Variants in CAMKMT observed in about 807,000 individuals in gnomAD.
The protein encoded by CAMKMT is calmodulin-lysine N-methyltransferase.
In CAMKMT, 53 loss-of-function variants were observed where a neutral mutation model predicts 48.0. The observed-to-expected ratio is 1.10, with a 90% CI of 0.89 to 1.39. CAMKMT has a LOEUF of 1.39. CAMKMT is among the 40% of genes most tolerant of loss of function. The pLI, the probability that CAMKMT is intolerant of heterozygous loss-of-function variation, is 0.00. For missense variants in CAMKMT, 428 were observed against 402.7 expected (o/e 1.06, Z -0.54); for synonymous variants, 165 against 152.3 (o/e 1.08, Z -0.61).
At chr2:44,519,421 A>G (rs930800574) in intron 3 of CAMKMT, among the ~76,000 whole-genome samples, 1 of 152,202 alleles carries the variant, frequency 6.6e-6, no homozygotes. Context: ...GAACCTGTAT[A>G]ATTTTCATTA....
At chr2:44,463,765 A>T (rs1408000938) in intron 3 of CAMKMT, among the ~76,000 whole-genome samples, 1 of 152,244 alleles carries the variant, frequency 6.6e-6, no homozygotes, top group Non-Finnish European at 1.5e-5. Flanking sequence ...GGGAATTTAC[A>T]TGCAGAGAGT....
chr2:44,673,325 G>T (rs1029780916), intron 3 of CAMKMT, among the ~76,000 whole-genome samples: 1 of 151,702 alleles, frequency 6.6e-6, no homozygotes. Flanking sequence ...TACTTGGGAG[G>T]CTGAGGTGGG....
chr2:44,732,637 G>A (rs544909805), intron 7 of CAMKMT, among the ~76,000 whole-genome samples: 1 of 152,288 alleles, frequency 6.6e-6, no homozygotes, highest in South Asian at 2.1e-4. Flanking sequence ...GCCCAGCTTG[G>A]AGTTCTAATT....
chr2:44,708,956 T>G (rs1420976311), intron 6 of CAMKMT, among the ~76,000 whole-genome samples: 1 of 152,082 alleles, frequency 6.6e-6, no homozygotes, highest in African/African-American at 2.4e-5. Flanking sequence ...ATTAGAACTT[T>G]TATCAAACTA....
intron 3 of CAMKMT, among the ~76,000 whole-genome samples, chr2:44,634,630 A>T (rs761855069): frequency 1.8e-4 from 27 of 152,208 alleles, no homozygotes; most frequent in Non-Finnish European, 3.1e-4. Context: ...AACTCTTTCT[A>T]TCTTCAAGGA....
chr2:44,632,905 C>T (rs532589440), intron 3 of CAMKMT, among the ~76,000 whole-genome samples: 1 of 152,298 alleles, frequency 6.6e-6, no homozygotes, highest in East Asian at 1.9e-4. Flanking sequence ...GCTGGCTCTC[C>T]TTGCTCCTCA....
intron 3 of CAMKMT, among the ~76,000 whole-genome samples, chr2:44,466,215 G>A (rs941863569): frequency 6.6e-6 from 1 of 152,126 alleles, no homozygotes; most frequent in Admixed American, 6.5e-5. Context: ...CTCAACAACA[G>A]CATAACACAC....
At position 44,669,077 on chromosome 2, in the gene CAMKMT, C is replaced by G. The variant is rs72870506; in HGVS notation, c.377-35206C>G. ...GAATTACAGGCGTGAGCCACTGCAC[C>G]TGACCCCCACTTGTTTTTTGTTTGT... On this transcript the variant is annotated intron_variant, in intron 3 of 10. Transcript: ENST00000378494. Among the ~76,000 whole-genome samples, 730 of 152,302 alleles carry G rather than the reference C, an allele frequency of 4.8e-3. 8 individuals carry two copies. Among genetic ancestry groups the G allele is most frequent in the African/African-American group, 0.017 (708 of 41,564 alleles).
intron 3 of CAMKMT, among the ~76,000 whole-genome samples, chr2:44,484,520 C>G (rs1357126221): frequency 4.6e-5 from 7 of 151,396 alleles, no homozygotes; most frequent in Admixed American, 3.3e-4. Flanking sequence ...ACTGGATAAC[C>G]TCATGAAAAA....
chr2:44,670,852 T>A (rs754097840), intron 3 of CAMKMT, among the ~76,000 whole-genome samples: 1 of 152,146 alleles, frequency 6.6e-6, no homozygotes, highest in Non-Finnish European at 1.5e-5. Context: ...CTTCTGAACA[T>A]CTTTCGCCAA....
intron 3 of CAMKMT, among the ~76,000 whole-genome samples, chr2:44,407,208 G>GT (rs747106616): frequency 2.6e-5 from 4 of 152,116 alleles, no homozygotes; most frequent in African/African-American, 9.7e-5. Flanking sequence ...GTCTTAGAGA[G>GT]TTTTTTTCAA....
chr2:44,430,317 G>A (rs946917050), intron 3 of CAMKMT, among the ~76,000 whole-genome samples: 1 of 151,870 alleles, frequency 6.6e-6, no homozygotes, highest in Admixed American at 6.6e-5. Flanking sequence ...GCAAACTGGA[G>A]TCAGGTAATA....
intron 3 of CAMKMT, among the ~76,000 whole-genome samples, chr2:44,656,421 T>C (rs1674381152): frequency 6.6e-6 from 1 of 152,192 alleles, no homozygotes; most frequent in Non-Finnish European, 1.5e-5. Context: ...AGGCCCTGGC[T>C]TCTCAATAAG....
intron 3 of CAMKMT, among the ~76,000 whole-genome samples, chr2:44,652,214 AGT>A (rs1042342663): frequency 6.6e-6 from 1 of 152,236 alleles, no homozygotes; most frequent in Admixed American, 6.5e-5. Context: ...ATGACTTAAT[AGT>A]GTGGATTTAA....
intron 3 of CAMKMT, among the ~76,000 whole-genome samples, chr2:44,401,320 G>T (rs914542609): frequency 2.0e-5 from 3 of 152,134 alleles, no homozygotes; most frequent in Non-Finnish European, 4.4e-5. Context: ...CACTTTGGGA[G>T]GTGAGGCGGG....
At chr2:44,428,786 C>T (rs1197547414) in intron 3 of CAMKMT, among the ~76,000 whole-genome samples, 3 of 152,132 alleles carry the variant, frequency 2.0e-5, no homozygotes, top group East Asian at 1.9e-4. Flanking sequence ...ACTCAAATTC[C>T]ACCAGATACA....
chr2:44,428,936 A>G (rs1684458925), intron 3 of CAMKMT, among the ~76,000 whole-genome samples: 1 of 152,222 alleles, frequency 6.6e-6, no homozygotes, highest in Admixed American at 6.5e-5. Context: ...AAACAGAGCA[A>G]GAAGTTATTT....
Position 44,618,994 on chromosome 2 carries a change from C to T in CAMKMT, c.377-85289C>T, listed in dbSNP as rs1672035009. 6.6e-6 allele frequency among the ~76,000 whole-genome samples: 1 copy of T among 152,098 alleles called. No homozygotes were observed. The highest frequency in any genetic ancestry group is 2.4e-5 in the African/African-American group (1 of 41,420). The stretch of plus-strand genomic sequence containing the variant: ...CTACTCATAAATAGTTTGGAAATCA[C>T]TGGGGATTAGGAAGGGCACTATTGT... On this transcript the variant is annotated intron_variant, in intron 3 of 10. Coordinates refer to ENST00000378494, the MANE Select transcript of CAMKMT (RefSeq NM_024766.5). The surrounding 1 kb of genome is among the most constrained non-coding windows in gnomAD (Gnocchi z 4.0).
At chr2:44,455,857 T>C (rs981768589) in intron 3 of CAMKMT, among the ~76,000 whole-genome samples, 6 of 152,196 alleles carry the variant, frequency 3.9e-5, no homozygotes, top group African/African-American at 1.4e-4. Flanking sequence ...ATGCTGTGTG[T>C]CAAAAACGTT....
Sources: allele counts gnomAD v4.1 joint callset (sites outside exome capture counted in the v4.1 genomes callset), GRCh38; gene constraint gnomAD v4.1.1; non-coding constraint Gnocchi (gnomAD v3.1); transcripts MANE v1.5; gene names NCBI Gene and HGNC (gene_info 2026-07-23, HGNC 2026-07-21).